IKBKB: variants seen among roughly 807,000 people sequenced by gnomAD.
The protein encoded by IKBKB is inhibitor of nuclear factor kappa-B kinase subunit beta.
IKBKB carries 42 observed loss-of-function variants against 113.6 expected under a neutral mutation model. The observed-to-expected ratio is 0.37, with a 90% CI of 0.29 to 0.48. The LOEUF is 0.48. IKBKB is among the 20% of genes least tolerant of loss of function. IKBKB has a pLI of 0.99. For missense variants in IKBKB, 673 were observed against 939.7 expected (o/e 0.72, Z 3.71); for synonymous variants, 296 against 361.3 (o/e 0.82, Z 2.05).
intron 21 of IKBKB, chr8:42,329,845 C>T: frequency 1.0e-6 from 1 of 985,384 alleles, no homozygotes; most frequent in Non-Finnish European, 1.2e-6. Context: ...TTGAGAGAAT[C>T]CTGCATCATT....
chr8:42,290,295 G>A (rs1189288682), intron 4 of IKBKB, 22 bp downstream of exon 4: 2 of 1,527,612 alleles, frequency 1.3e-6, no homozygotes, highest in African/African-American at 1.4e-5. Context: ...ACGGCTGCCA[G>A]GTGCACAGCC....
At chr8:42,282,614 C>G (rs1159569170) in intron 2 of IKBKB, among the ~76,000 whole-genome samples, 1 of 152,126 alleles carries the variant, frequency 6.6e-6, no homozygotes, top group Non-Finnish European at 1.5e-5. Flanking sequence ...AGCTAAGACT[C>G]AGTAGATTCC....
chr8:42,293,405 A>C (rs773904884), intron 4 of IKBKB, 38 bp from the exon 5 acceptor site: 1 of 1,612,974 alleles, frequency 6.2e-7, no homozygotes, highest in Non-Finnish European at 8.5e-7. Flanking sequence ...GTGGTTTGTG[A>C]CCACCAGCTC....
At chr8:42,276,932 T>A (rs1809256948) in intron 2 of IKBKB, among the ~76,000 whole-genome samples, 1 of 148,088 alleles carries the variant, frequency 6.8e-6, no homozygotes, top group Admixed American at 6.8e-5. Context: ...AGTGGTGTGA[T>A]CTCGGGTCAC....
At chr8:42,312,655 G>A (rs780712915) in intron 8 of IKBKB, among the ~76,000 whole-genome samples, 13 of 152,198 alleles carry the variant, frequency 8.5e-5, no homozygotes, top group Admixed American at 2.6e-4. Flanking sequence ...AACAGCCTAA[G>A]TTTTCTAGCA....
In IKBKB at chr8:42,318,996, A is replaced by C. The variant is rs535713067; in HGVS notation, c.1365-274A>C. The C allele has an allele frequency of 1.9e-4, 106 of 547,418 alleles. 2 individuals are homozygous for C. In the South Asian group the frequency reaches 2.0e-3, roughly 10 times the overall value. The allele number at this position is 547,418 out of a possible 1,614,324, so 33.9% of individuals were successfully genotyped here. ...AACTCCCCTGACCGTGCTGCTGGGG[A>C]CTTACGGACTCTTTCCTCATTGTGA... On this transcript the variant is annotated intron_variant, in intron 13 of 21. Transcript: ENST00000520810.
intron 3 of IKBKB, among the ~76,000 whole-genome samples, chr8:42,289,040 C>T (rs1812017150): frequency 6.6e-6 from 1 of 152,166 alleles, no homozygotes; most frequent in South Asian, 2.1e-4. Flanking sequence ...GACAAGGAAA[C>T]CCCGTCTCTA....
In IKBKB at chr8:42,318,645, A is replaced by G; in HGVS notation, c.1334A>G (p.Asn445Ser). 4 of 1,613,638 alleles carry G rather than the reference A, an allele frequency of 2.5e-6. No homozygotes were observed. The South Asian group carries it at 3.3e-5, about 13-fold the overall frequency. The change falls in exon 13 of 22, where the codon AAC becomes AGC. Residue 445 changes from asparagine (N) to serine (S), a missense_variant. Asn to Ser is a conservative substitution (Grantham distance 46). Around this residue, in one of 2 missense-constraint regions of IKBKB, gnomAD observed 506 missense variants for 638.7 expected, o/e 0.79. Transcript: ENST00000520810. ...HSIQTLKEDC[N>S]RLQQGQRAAM... ...ATCCAGACCCTGAAGGAAGATTGCA[A>G]CCGGCTGCAGCAGGGACAGCGAGCC...
At position 42,272,026 on chromosome 8, in the gene IKBKB, T is replaced by C. The variant is rs182794431; in HGVS notation, c.-18-57T>C. ...GTATCTCTTGCCTTCTCCATCCCTT[T>C]GAGCTCCATTTTTTTCTTAATCCTA... On this transcript the variant is annotated intron_variant, in intron 1 of 21. Coordinates refer to ENST00000520810, the MANE Select transcript of IKBKB (RefSeq NM_001556.3). The C allele has an allele frequency of 2.1e-4, 332 of 1,549,526 alleles. 2 individuals carry two copies. In the East Asian group the frequency reaches 7.3e-3, roughly 34 times the overall value.
intron 5 of IKBKB, among the ~76,000 whole-genome samples, chr8:42,304,937 G>A (rs1816198759): frequency 6.6e-6 from 1 of 152,230 alleles, no homozygotes; most frequent in Non-Finnish European, 1.5e-5. Context: ...TATAGTTTGA[G>A]AAGCACTGCT....
At chr8:42,288,907 C>A (rs1811987945) in intron 3 of IKBKB, among the ~76,000 whole-genome samples, 179 bp downstream of exon 3, 1 of 152,142 alleles carries the variant, frequency 6.6e-6, no homozygotes, top group Non-Finnish European at 1.5e-5. Flanking sequence ...CATGGTGAAA[C>A]CCCGTCTCTA....
rs1220394458 is a variant in IKBKB at position 42,316,687 on chromosome 8, G to A, written c.931-23G>A. Reference sequence around the variant, plus strand: ...TTTCCTTGAAGAAATCGGTTTTCCAGTAACATCTGGGTTGTGTTGCAGCTG... The same window carrying A: ...TTTCCTTGAAGAAATCGGTTTTCCAATAACATCTGGGTTGTGTTGCAGCTG... On this transcript the variant is annotated intron_variant, in intron 10 of 21. Transcript: ENST00000520810. This position sits in a 1 kb window ranked among gnomAD's most constrained non-coding sequence, Gnocchi z 4.5. 6.3e-7 allele frequency: 1 copy of A among 1,593,214 alleles called. No homozygotes were observed. The highest frequency in any genetic ancestry group is 2.2e-5 in the East Asian group (1 of 44,526).
intron 7 of IKBKB, among the ~76,000 whole-genome samples, 194 bp downstream of exon 7, chr8:42,306,626 C>T (rs771881629): frequency 2.6e-5 from 4 of 152,208 alleles, no homozygotes; most frequent in Non-Finnish European, 5.9e-5. Flanking sequence ...GGGATGTGGT[C>T]GTCTTCTCTG....
At chr8:42,327,330 CTT>C (rs397767670) in intron 20 of IKBKB, among the ~76,000 whole-genome samples, 29 of 105,418 alleles carry the variant, frequency 2.8e-4, no homozygotes, top group Middle Eastern at 0.014. Flanking sequence ...CTCTCTCTCT[CTT>C]TTTTTTTTTT....
chr8:42,330,182 A>G (rs1821503226), intron 21 of IKBKB: 2 of 985,374 alleles, frequency 2.0e-6, no homozygotes, highest in Non-Finnish European at 2.4e-6. Flanking sequence ...TGTGAGCCAC[A>G]GTGGTACTGA....
At chr8:42,318,505 A>G (rs1585773483) in intron 12 of IKBKB, 47 bp from the exon 13 acceptor site, 3 of 1,596,170 alleles carry the variant, frequency 1.9e-6, no homozygotes, top group East Asian at 2.2e-5. Context: ...ATTGTAGGAG[A>G]GTTATTGTGG....
Position 42,322,132 on chromosome 8 carries a change from G to C in IKBKB, c.1817G>C (p.Arg606Pro), listed in dbSNP as rs776259486. 1 of 1,613,706 alleles carries C rather than the reference G, an allele frequency of 6.2e-7. No individual in the cohort carries two copies. The highest frequency in any genetic ancestry group is 8.5e-7 in the Non-Finnish European group (1 of 1,179,860). ...ATTCAGAGCTTCGAGAAGAAAGTGC[G>C]AGTGATCTATACGCAGCTCAGGTAT... The part of the protein sequence containing the change: ...QAIQSFEKKV[R>P]VIYTQLSKTV... Residue 606 changes from arginine (R) to proline (P), a missense_variant, in exon 18 of 22, where the codon CGA (arginine) becomes CCA (proline). Coordinates refer to ENST00000520810, the MANE Select transcript of IKBKB (RefSeq NM_001556.3).
rs774915046 is a variant in IKBKB, at chr8:42,316,515, T to C, written c.930+176T>C. On this transcript the variant is annotated intron_variant, in intron 10 of 21. Coordinates refer to ENST00000520810, the MANE Select transcript of IKBKB (RefSeq NM_001556.3). This position sits in a 1 kb window ranked among gnomAD's most constrained non-coding sequence, Gnocchi z 4.5. ...CAGTTGTGCTAATTGACATTGGCTA[T>C]GAGGTCATAGCCACAGACAGGATTA... Among the ~76,000 whole-genome samples the C allele has an allele frequency of 6.6e-6, 1 of 152,234 alleles. No homozygotes were observed. The highest frequency in any genetic ancestry group is 1.5e-5 in the Non-Finnish European group (1 of 68,040).
At chr8:42,315,606 G>A (rs951953402) in intron 9 of IKBKB, among the ~76,000 whole-genome samples, 2 of 152,092 alleles carry the variant, frequency 1.3e-5, no homozygotes, top group Non-Finnish European at 2.9e-5. Flanking sequence ...CCTAAGCTAG[G>A]ATGTGCCTAT....
Sources: allele counts gnomAD v4.1 joint callset (sites outside exome capture counted in the v4.1 genomes callset), GRCh38; gene constraint gnomAD v4.1.1; regional missense constraint gnomAD v4.1.1; non-coding constraint Gnocchi (gnomAD v3.1); transcripts MANE v1.5; gene names NCBI Gene and HGNC (gene_info 2026-07-23, HGNC 2026-07-21).